RANBP17: variants seen among roughly 807,000 people sequenced by gnomAD.
RANBP17 encodes ran-binding protein 17.
Under a neutral mutation model 141.2 loss-of-function variants are expected in RANBP17, and 158 were observed. That is an observed-to-expected ratio of 1.12 (90% CI 0.98 to 1.28). The LOEUF (loss-of-function observed/expected upper bound fraction) is 1.28. Ranked by LOEUF, RANBP17 falls within the 50% of genes most tolerant of loss-of-function variation. The probability of loss-of-function intolerance (pLI) is 0.00; values close to 1 mark genes in which losing one functional copy is unlikely to be tolerated. For missense variants in RANBP17, 1,438 were observed against 1,290.7 expected, an observed-to-expected ratio of 1.11 and a Z score of -1.75; for synonymous variants, 430 against 450.0, an observed-to-expected ratio of 0.96 and a Z score of 0.56.
chr5:171,107,102 A>C (rs1050650262), intron 14 of RANBP17, among the ~76,000 whole-genome samples: 1 of 152,100 alleles, frequency 6.6e-6, no homozygotes, highest in African/African-American at 2.4e-5. Flanking sequence ...CTTTTATTTT[A>C]TAAGATAGAC....
intron 12 of RANBP17, among the ~76,000 whole-genome samples, chr5:170,943,867 A>G (rs189196520): frequency 2.6e-5 from 4 of 152,166 alleles, no homozygotes; most frequent in African/African-American, 7.2e-5. Flanking sequence ...TACCATTTTT[A>G]AAATTTTTGT....
At position 171,183,414 on chromosome 5, in the gene RANBP17, T is replaced by C. The variant is rs767857034; in HGVS notation, c.2022T>C (p.Leu674=). The C allele has an allele frequency of 6.2e-7, 1 of 1,612,434 alleles. No homozygotes were observed. Among genetic ancestry groups the C allele is most frequent in the African/African-American group, 1.3e-5 (1 of 74,910 alleles). The part of the protein sequence containing the change: ...RTTFYTALTR[L]LMVDLGEDED... ...CCTTCTACACAGCGCTCACTCGCCT[T>C]CTGATGGTAGATCTGGGTAAGGTTA... Residue 674 remains leucine (L), a synonymous_variant, in exon 18 of 28, where the codon CTT becomes CTC. Coordinates refer to ENST00000523189, the MANE Select transcript of RANBP17 (RefSeq NM_022897.5).
chr5:170,905,690 C>T (rs892504349), intron 5 of RANBP17, among the ~76,000 whole-genome samples: 3 of 152,046 alleles, frequency 2.0e-5, no homozygotes, highest in African/African-American at 7.2e-5. Flanking sequence ...CTAAATATGT[C>T]TAAAGAACTG....
At chr5:171,271,039 CT>C (rs1767067538) in intron 25 of RANBP17, 3 of 91,662 alleles carry the variant, frequency 3.3e-5, no homozygotes, top group Non-Finnish European at 6.4e-5. Flanking sequence ...CTTTCTCTCC[CT>C]TTTCTCCCTT....
intron 5 of RANBP17, among the ~76,000 whole-genome samples, chr5:170,901,881 G>A (rs1165407106): frequency 6.6e-6 from 1 of 152,230 alleles, no homozygotes; most frequent in African/African-American, 2.4e-5. Context: ...GGTTTCTGCA[G>A]AGAGATCTGC....
chr5:171,223,342 A>C (rs529868968), intron 22 of RANBP17, among the ~76,000 whole-genome samples: 1 of 152,312 alleles, frequency 6.6e-6, no homozygotes, highest in East Asian at 1.9e-4. Context: ...CATTAAAATC[A>C]TATAAAGTGG....
In RANBP17 at chr5:170,914,180, A is replaced by G. The variant is rs1416837470; in HGVS notation, c.774A>G (p.Pro258=). 5 of 1,607,868 alleles carry G rather than the reference A, an allele frequency of 3.1e-6. No homozygotes were observed. The highest frequency in any genetic ancestry group is 4.3e-6 in the Non-Finnish European group (5 of 1,175,040). ...PTTWRTIFLE[P]ETLDLFFNLY... ...TTTTTTTCCCAGTTTTCCTGGAACC[A>G]GAAACATTGGATCTTTTCTTCAATT... Residue 258 remains proline (P), a synonymous_variant, in exon 8 of 28, where the codon CCA becomes CCG. Coordinates refer to ENST00000523189, the MANE Select transcript of RANBP17 (RefSeq NM_022897.5).
intron 24 of RANBP17, among the ~76,000 whole-genome samples, chr5:171,250,590 C>T (rs973755866): frequency 6.6e-6 from 1 of 151,958 alleles, no homozygotes; most frequent in East Asian, 1.9e-4. Context: ...ATACTGCTTA[C>T]AAGAAACTCA....
chr5:171,273,848 TA>T (rs1204324137), intron 25 of RANBP17, among the ~76,000 whole-genome samples: 2 of 152,210 alleles, frequency 1.3e-5, no homozygotes, highest in Admixed American at 6.5e-5. Flanking sequence ...TGGTTAGTTT[TA>T]AAAGGATGTA....
intron 12 of RANBP17, among the ~76,000 whole-genome samples, chr5:170,939,888 TAA>T (rs1774191984): frequency 6.6e-6 from 1 of 152,012 alleles, no homozygotes; most frequent in African/African-American, 2.4e-5. Flanking sequence ...GGGTAACAAC[TAA>T]AAGAGTAGAA....
chr5:171,271,085 T>C (rs1767084746), intron 25 of RANBP17: 1 of 77,710 alleles, frequency 1.3e-5, no homozygotes, highest in African/African-American at 5.3e-5. Flanking sequence ...CTTTTTTTTT[T>C]TTTTTTTTTT....
chr5:170,995,228 T>A (rs1778735848), intron 14 of RANBP17, among the ~76,000 whole-genome samples: 1 of 152,146 alleles, frequency 6.6e-6, no homozygotes. Context: ...CTTTAAGATC[T>A]TGACATTTAT....
At chr5:171,044,642 A>G (rs1159672398) in intron 14 of RANBP17, among the ~76,000 whole-genome samples, 1 of 152,108 alleles carries the variant, frequency 6.6e-6, no homozygotes, top group Non-Finnish European at 1.5e-5. Context: ...CATGATATCT[A>G]AATTGTTGAT....
At chr5:171,173,816 G>A (rs1250665564) in intron 16 of RANBP17, among the ~76,000 whole-genome samples, 2 of 152,168 alleles carry the variant, frequency 1.3e-5, no homozygotes, top group Non-Finnish European at 2.9e-5. Context: ...CAAGCCTCAT[G>A]TTAAGTTGGT....
chr5:170,919,187 A>G (rs914113432), intron 10 of RANBP17, among the ~76,000 whole-genome samples: 9 of 151,980 alleles, frequency 5.9e-5, no homozygotes, highest in Admixed American at 5.2e-4. Flanking sequence ...CAGGATGTCA[A>G]CTCTGAAAAA....
At chr5:170,909,601 T>TATA in intron 5 of RANBP17, 60 bp from the exon 6 acceptor site, 1 of 454,850 alleles carries the variant, frequency 2.2e-6, no homozygotes, top group Non-Finnish European at 3.7e-6. Flanking sequence ...TTTTTTTTAG[T>TATA]AAATTTTGGT....
chr5:171,057,680 T>A (rs549494214), intron 14 of RANBP17, among the ~76,000 whole-genome samples: 1 of 140,792 alleles, frequency 7.1e-6, no homozygotes, highest in South Asian at 2.4e-4. Flanking sequence ...TGATTTACAG[T>A]TTTCTGTTGC....
chr5:170,960,846 A>G (rs562603097), intron 13 of RANBP17, among the ~76,000 whole-genome samples: 88 of 152,284 alleles, frequency 5.8e-4, no homozygotes, highest in African/African-American at 1.9e-3. Flanking sequence ...TCACTACATT[A>G]TAGCCATGTT....
intron 14 of RANBP17, among the ~76,000 whole-genome samples, chr5:171,009,645 G>C (rs996817420): frequency 6.6e-6 from 1 of 150,512 alleles, no homozygotes. Flanking sequence ...TGTGACTGAG[G>C]TTAGGGAAAT....
Sources: allele counts gnomAD v4.1 joint callset (sites outside exome capture counted in the v4.1 genomes callset), GRCh38; gene constraint gnomAD v4.1.1; transcripts MANE v1.5; gene names NCBI Gene and HGNC (gene_info 2026-07-23, HGNC 2026-07-21).